Variants in RNPEP observed in about 807,000 individuals in gnomAD.
RNPEP encodes the protein aminopeptidase B.
RNPEP carries 57 observed loss-of-function variants against 70.1 expected under a neutral mutation model. The ratio of observed to expected loss-of-function variants is 0.81; its 90% CI spans 0.66 to 1.01. The LOEUF (loss-of-function observed/expected upper bound fraction) is 1.01. Among genes scored for constraint, RNPEP ranks in the 50% least tolerant of loss-of-function variants. RNPEP has a pLI of 0.00. For missense variants in RNPEP, 787 were observed against 852.4 expected (o/e 0.92, Z 0.96); for synonymous variants, 335 against 357.4 (o/e 0.94, Z 0.71).
chr1:201,987,678 T>C (rs1683181274), intron 1 of RNPEP, among the ~76,000 whole-genome samples: 1 of 151,740 alleles, frequency 6.6e-6, no homozygotes, highest in Non-Finnish European at 1.5e-5. Flanking sequence ...CCTCAAGTGA[T>C]CCACCTGCGT....
chr1:202,004,761 C>G (rs528616005), intron 10 of RNPEP, among the ~76,000 whole-genome samples: 1 of 152,314 alleles, frequency 6.6e-6, no homozygotes, highest in South Asian at 2.1e-4. Flanking sequence ...CCAGAGCCAA[C>G]GCAGAGGCGG....
Position 202,004,510 on chromosome 1 carries a change from G to T in RNPEP, c.1794+14G>T. The T allele has an allele frequency of 6.2e-7, 1 of 1,612,050 alleles. No homozygotes were observed. ...CTGCATAACCAGGTGGGTGACCCCT[G>T]CCTCGCTGTTCCCGAAAGCACACTG... On this transcript the variant is annotated intron_variant, in intron 10 of 10. Coordinates refer to ENST00000295640, the MANE Select transcript of RNPEP (RefSeq NM_020216.4).
chr1:201,982,808 G>A lies in RNPEP; in HGVS notation c.142G>A (p.Gly48Arg). 1 of 1,333,586 alleles carries A rather than the reference G, an allele frequency of 7.5e-7. No individual in the cohort carries two copies. The highest frequency in any genetic ancestry group is 9.6e-7 in the Non-Finnish European group (1 of 1,041,680). The allele number at this position is 1,333,586 out of a possible 1,614,324, so 82.6% of individuals were successfully genotyped here. ...GCACCTGGACCTGCGGGCTGAGTTC[G>A]GGCCTCCAGGGCCCGGCGCAGGGAG... ...HLHLDLRAEFGPPGPGAGSRG... is the reference protein window; with the variant it reads ...HLHLDLRAEFRPPGPGAGSRG... The change falls in exon 1 of 11, where the codon GGG becomes AGG. Residue 48 changes from glycine (G) to arginine (R), a missense_variant. Transcript: ENST00000295640.
chr1:202,004,058 C>T (rs757822678), intron 9 of RNPEP, among the ~76,000 whole-genome samples: 3 of 152,186 alleles, frequency 2.0e-5, no homozygotes, highest in Non-Finnish European at 4.4e-5. Flanking sequence ...CTTGCTCTGT[C>T]GACCAGGCTG....
Position 202,005,818 on chromosome 1 carries a change from A to G in RNPEP, c.*102A>G. On this transcript the variant is annotated 3_prime_UTR_variant, in exon 11 of 11. Transcript: ENST00000295640. The stretch of plus-strand genomic sequence containing the variant: ...CCCTGATCAACTTCCTGGAGTTTAT[A>G]TCCCCTCAGGATAATCTATTCTCTA... The G allele has an allele frequency of 7.5e-7, 1 of 1,332,602 alleles. No homozygotes were observed. The highest frequency in any genetic ancestry group is 1.1e-6 in the Non-Finnish European group (1 of 943,450). The allele number at this position is 1,332,602 out of a possible 1,614,324, so 82.5% of individuals were successfully genotyped here.
intron 1 of RNPEP, among the ~76,000 whole-genome samples, chr1:201,984,198 G>A (rs1158151456): frequency 1.3e-5 from 2 of 152,194 alleles, no homozygotes; most frequent in African/African-American, 4.8e-5. Context: ...CTCCCAAAGT[G>A]CTGGGATTAC....
chr1:201,989,359 C>T, intron 2 of RNPEP, 24 bp from the exon 3 acceptor site: 1 of 1,611,374 alleles, frequency 6.2e-7, no homozygotes, highest in South Asian at 1.1e-5. Context: ...CAGGTAAAAT[C>T]TCCTAAGCTT....
intron 1 of RNPEP, among the ~76,000 whole-genome samples, chr1:201,988,481 A>C (rs1228587798): frequency 6.6e-6 from 1 of 151,784 alleles, no homozygotes; most frequent in Non-Finnish European, 1.5e-5. Context: ...AAAAAAAAAA[A>C]AACATATTAA....
intron 8 of RNPEP, among the ~76,000 whole-genome samples, chr1:202,002,066 A>G (rs1002538030): frequency 6.6e-6 from 1 of 152,160 alleles, no homozygotes; most frequent in African/African-American, 2.4e-5. Context: ...GCCCCAAGCT[A>G]AAACTCACAG....
rs968399594 is a variant in RNPEP at position 201,996,581 on chromosome 1, C to T, written c.854+318C>T. Among the ~76,000 whole-genome samples the T allele has an allele frequency of 3.3e-5, 5 of 151,858 alleles. No homozygotes were observed. In the East Asian group the frequency reaches 9.7e-4, roughly 29 times the overall value. On this transcript the variant is annotated intron_variant, in intron 4 of 10. Transcript: ENST00000295640. ...TGATCTCAGCTCACTGCAACCTCCA[C>T]CTCCCAGGTTCAAGCGATTCTCCTG...
Position 201,989,066 on chromosome 1 carries a change from G to T in RNPEP, c.588+22G>T, listed in dbSNP as rs537086007. 7.5e-6 allele frequency: 12 copies of T among 1,604,332 alleles called. No individual in the cohort carries two copies. In the African/African-American group the frequency reaches 1.6e-4, roughly 21 times the overall value. On this transcript the variant is annotated intron_variant, in intron 2 of 10. Transcript: ENST00000295640. ...TGAGGTAAGGAGACTAAGGTTAGGT[G>T]CACCTGCCCTTGGGATGAAGAAATG...
chr1:202,003,142 G>T, intron 8 of RNPEP, 95 bp from the exon 9 acceptor site: 1 of 794,220 alleles, frequency 1.3e-6, no homozygotes, highest in African/African-American at 1.7e-5. Context: ...TTGGGATGGA[G>T]AGAGGAGAAA....
At chr1:201,984,000 G>A (rs893423725) in intron 1 of RNPEP, 21 of 453,020 alleles carry the variant, frequency 4.6e-5, no homozygotes, top group Non-Finnish European at 5.2e-5. Flanking sequence ...GCAAGATCTC[G>A]GCTCACTGCA....
chr1:202,005,003 G>C (rs534777855), intron 10 of RNPEP, among the ~76,000 whole-genome samples: 1 of 152,186 alleles, frequency 6.6e-6, no homozygotes, highest in Non-Finnish European at 1.5e-5. Flanking sequence ...GGGCTGGACC[G>C]GAGACGAAGC....
intron 6 of RNPEP, among the ~76,000 whole-genome samples, chr1:202,000,731 T>C (rs1683760316): frequency 6.6e-6 from 1 of 151,890 alleles, no homozygotes; most frequent in Non-Finnish European, 1.5e-5. Flanking sequence ...CTGTCTCTAC[T>C]AAAAATACAA....
intron 1 of RNPEP, among the ~76,000 whole-genome samples, chr1:201,987,138 C>T (rs552740076): frequency 6.6e-6 from 1 of 152,266 alleles, no homozygotes; most frequent in South Asian, 2.1e-4. Flanking sequence ...GCCTCCCCAA[C>T]TCTGCATCTG....
chr1:201,991,372 C>T (rs181499512), intron 3 of RNPEP, among the ~76,000 whole-genome samples: 25 of 152,172 alleles, frequency 1.6e-4, no homozygotes, highest in Non-Finnish European at 3.1e-4. Context: ...CTCGGCCTCC[C>T]AAAGTGCTCG....
chr1:201,982,883 G>C lies in RNPEP; in HGVS notation c.217G>C (p.Glu73Gln). ...AVLDLRCLEP[E>Q]GAAELRLDSH... ...CCTGGACCTGCGCTGCCTGGAGCCC[G>C]AGGGCGCCGCCGAGCTGCGGCTGGA... The change falls in exon 1 of 11, where the codon GAG (glutamate) becomes CAG (glutamine). Residue 73 changes from glutamate (E) to glutamine (Q), a missense_variant. By Grantham distance (29) the Glu-to-Gln change is conservative. Transcript: ENST00000295640. The C allele has an allele frequency of 7.1e-7, 1 of 1,410,622 alleles. No individual in the cohort carries two copies. The highest frequency in any genetic ancestry group is 1.6e-5 in the South Asian group (1 of 63,000). The allele number at this position is 1,410,622 out of a possible 1,614,324, so 87.4% of individuals were successfully genotyped here. A position where few individuals can be genotyped will look rare whatever the true frequency, so the allele number is the denominator to read the frequency against.
intron 3 of RNPEP, among the ~76,000 whole-genome samples, chr1:201,992,240 C>T (rs1189214311): frequency 6.6e-6 from 1 of 152,022 alleles, no homozygotes; most frequent in African/African-American, 2.4e-5. Flanking sequence ...GCTATGTTGT[C>T]CAGGCTGATC....
Sources: allele counts gnomAD v4.1 joint callset (sites outside exome capture counted in the v4.1 genomes callset), GRCh38; gene constraint gnomAD v4.1.1; transcripts MANE v1.5; gene names NCBI Gene and HGNC (gene_info 2026-07-23, HGNC 2026-07-21).